STARD9: variants seen among roughly 807,000 people sequenced by gnomAD.
STARD9 encodes StAR related lipid transfer domain containing 9, also known as stAR-related lipid transfer protein 9.
STARD9 carries 346 observed loss-of-function variants against 399.8 expected under a neutral mutation model. The observed-to-expected ratio is 0.87, with a 90% CI of 0.79 to 0.95. STARD9 has a LOEUF of 0.95. Ranked by LOEUF, STARD9 falls within the 40% of genes least tolerant of loss-of-function variation. The pLI is 0.00. For missense variants in STARD9, 5,832 were observed against 5,667.5 expected (o/e 1.03, Z -0.93); for synonymous variants, 2,203 against 2,143.5 (o/e 1.03, Z -0.77).
chr15:42,717,272 G>T (rs1166278551), intron 28 of STARD9, among the ~76,000 whole-genome samples: 1 of 151,980 alleles, frequency 6.6e-6, no homozygotes, highest in Non-Finnish European at 1.5e-5. Flanking sequence ...ATCACTTGAG[G>T]TCAGGAGTTC....
chr15:42,604,576 G>A (rs2058692653), intron 3 of STARD9, among the ~76,000 whole-genome samples: 1 of 150,828 alleles, frequency 6.6e-6, no homozygotes, highest in Non-Finnish European at 1.5e-5. Context: ...GTTTTTGTCA[G>A]GGGAGGAAAT....
chr15:42,650,894 A>G, intron 7 of STARD9, 122 bp from the exon 8 acceptor site: 1 of 608,800 alleles, frequency 1.6e-6, no homozygotes, highest in East Asian at 3.2e-5. Flanking sequence ...GAATTTGGCC[A>G]GATTCCCTCA....
At chr15:42,675,044 A>G in intron 18 of STARD9, 80 bp downstream of exon 18, 1 of 1,378,700 alleles carries the variant, frequency 7.3e-7, no homozygotes, top group Non-Finnish European at 9.4e-7. Flanking sequence ...GAGCTCAGTG[A>G]AGCAGGCTTT....
chr15:42,585,448 G>A, intron 2 of STARD9, 73 bp from the exon 3 acceptor site: 1 of 920,808 alleles, frequency 1.1e-6, no homozygotes, highest in South Asian at 1.4e-5. Flanking sequence ...CTATGGTAGA[G>A]GGTGATCAAG....
intron 1 of STARD9, among the ~76,000 whole-genome samples, chr15:42,576,517 G>A (rs1298967959): frequency 6.6e-6 from 1 of 152,130 alleles, no homozygotes; most frequent in Non-Finnish European, 1.5e-5. Flanking sequence ...TAGTAAGACC[G>A]CCAAGAGCAA....
chr15:42,626,094 G>A (rs1288911593), intron 3 of STARD9, among the ~76,000 whole-genome samples: 1 of 151,392 alleles, frequency 6.6e-6, no homozygotes, highest in Non-Finnish European at 1.5e-5. Context: ...GCTAATTGTT[G>A]TATTTTTTAG....
chr15:42,592,903 G>A (rs2058429711), intron 3 of STARD9, among the ~76,000 whole-genome samples: 1 of 152,124 alleles, frequency 6.6e-6, no homozygotes, highest in Non-Finnish European at 1.5e-5. Flanking sequence ...AATTAAACCT[G>A]GACTTGAATT....
In STARD9 at chr15:42,695,242, C is replaced by T. The variant is rs778311612; in HGVS notation, c.13065C>T (p.Ala4355=). 1.3e-6 allele frequency: 2 copies of T among 1,537,134 alleles called. No individual in the cohort carries two copies. The highest frequency in any genetic ancestry group is 1.4e-5 in the African/African-American group (1 of 73,138). The change falls in exon 25 of 33, where the codon GCC becomes GCT. Residue 4355 remains alanine, a synonymous_variant. Coordinates refer to ENST00000290607, the MANE Select transcript of STARD9 (RefSeq NM_020759.3). ...QAHEEAKVEI[A]RARDQLRERT... is the part of the protein sequence containing the mutation. ...ATGAGGAGGCCAAGGTGGAGATTGC[C>T]CGGGCCCGAGACCAACTGCGGGAGC...
Position 42,689,537 on chromosome 15 carries a change from G to C in STARD9, c.7959G>C (p.Thr2653=), listed in dbSNP as rs768947328. ...SADSFESLPN[T]ETDREPWDPV... ...ACAGCTTTGAATCTCTGCCCAATACGGAAACTGACAGAGAGCCATGGGATC... is the reference window on the plus strand; with the variant it reads ...ACAGCTTTGAATCTCTGCCCAATACCGAAACTGACAGAGAGCCATGGGATC... Residue 2653 remains threonine (T), a synonymous_variant, in exon 23 of 33, where the codon ACG becomes ACC. Coordinates refer to ENST00000290607, the MANE Select transcript of STARD9 (RefSeq NM_020759.3). The C allele has an allele frequency of 6.5e-7, 1 of 1,537,198 alleles. No homozygotes were observed. Among genetic ancestry groups the C allele is most frequent in the Non-Finnish European group, 8.7e-7 (1 of 1,146,926 alleles).
intron 7 of STARD9, among the ~76,000 whole-genome samples, 163 bp downstream of exon 7, chr15:42,638,975 G>T (rs2059479240): frequency 6.6e-6 from 1 of 152,176 alleles, no homozygotes; most frequent in Admixed American, 6.5e-5. Context: ...ACGTGGTCCT[G>T]CCCTCAGGCA....
In STARD9 at chr15:42,691,555, T is replaced by G. The variant is rs141034027; in HGVS notation, c.9977T>G (p.Phe3326Cys). Residue 3326 changes from phenylalanine (F) to cysteine (C), a missense_variant, in exon 23 of 33, where the codon TTC becomes TGC. Phe to Cys is a radical substitution (Grantham distance 205, BLOSUM62 -2). Transcript: ENST00000290607. ...TCCAGGTCCTCCCCCACACCACAGT[T>G]CTCAGTTGTCGGCTCTTCTCGTTCT... The part of the protein sequence containing the change: ...KHSRSSPTPQ[F>C]SVVGSSRSLQ... 2.5e-4 allele frequency: 390 copies of G among 1,537,234 alleles called. 2 individuals are homozygous for G. In the African/African-American group the frequency reaches 4.4e-3, roughly 17 times the overall value.
rs1041393484 is a variant in STARD9, at chr15:42,687,870, G to A, written c.6292G>A (p.Ala2098Thr). 1 of 1,537,258 alleles carries A rather than the reference G, an allele frequency of 6.5e-7. No individual in the cohort carries two copies. Among genetic ancestry groups the A allele is most frequent in the East Asian group, 2.4e-5 (1 of 40,918 alleles). ...GAAGGAGCAGGAGAAGACTGACCAT[G>A]CCTTTAGGCCAGACAGCTCTGGAAA... ...DQKEQEKTDH[A>T]FRPDSSGNPL... The change falls in exon 23 of 33, where the codon GCC (alanine) becomes ACC (threonine). Residue 2098 changes from alanine to threonine, a missense_variant. Coordinates refer to ENST00000290607, the MANE Select transcript of STARD9 (RefSeq NM_020759.3).
intron 3 of STARD9, 108 bp downstream of exon 3, chr15:42,585,745 A>G: frequency 1.6e-6 from 1 of 606,434 alleles, no homozygotes; most frequent in South Asian, 2.8e-5. Context: ...ACAGTTGTAC[A>G]GATTGGAAGT....
chr15:42,674,595 G>A (rs557148621), intron 17 of STARD9, 104 bp downstream of exon 17: 2 of 1,252,378 alleles, frequency 1.6e-6, no homozygotes, highest in South Asian at 2.7e-5. Context: ...GGAATCATTG[G>A]CGTATTCAGG....
Position 42,718,478 on chromosome 15 carries a change from A to G in STARD9, c.13806A>G (p.Pro4602=). The G allele has an allele frequency of 6.5e-7, 1 of 1,537,206 alleles. No individual in the cohort carries two copies. Among genetic ancestry groups the G allele is most frequent in the Non-Finnish European group, 8.7e-7 (1 of 1,146,880 alleles). Reference sequence around the variant, plus strand: ...CCACCCTGTGCGCACTGAAGCAGCCACGGGATTTCTGTTGTGTCTGCGTGG... The same window carrying G: ...CCACCCTGTGCGCACTGAAGCAGCCGCGGGATTTCTGTTGTGTCTGCGTGG... ...CNTTLCALKQ[P]RDFCCVCVEA... Residue 4602 remains proline (P), a synonymous_variant, in exon 31 of 33, where the codon CCA becomes CCG. Transcript: ENST00000290607.
chr15:42,699,639 C>T (rs143081363), intron 26 of STARD9, among the ~76,000 whole-genome samples: 4,520 of 151,738 alleles, frequency 0.03, 198 homozygotes, highest in African/African-American at 0.093. Flanking sequence ...GTGATCTGCC[C>T]GCCTTGGCCT....
intron 4 of STARD9, among the ~76,000 whole-genome samples, chr15:42,635,856 T>A (rs1423862329): frequency 1.3e-5 from 2 of 152,186 alleles, no homozygotes; most frequent in Non-Finnish European, 2.9e-5. Flanking sequence ...GTGTTAGATC[T>A]GTGTGTTGGA....
Position 42,690,974 on chromosome 15 carries a change from A to T in STARD9, c.9396A>T (p.Pro3132=). The change falls in exon 23 of 33, where the codon CCA becomes CCT. Residue 3132 remains proline (P), a synonymous_variant. Transcript: ENST00000290607. ...DQNAQVCQTN[P]EPPATTQGPH... ...ATGCACAGGTGTGTCAAACCAATCC[A>T]GAACCACCTGCAACAACTCAGGGAC... The T allele has an allele frequency of 1.3e-6, 2 of 1,537,256 alleles. No individual in the cohort carries two copies. The highest frequency in any genetic ancestry group is 1.7e-6 in the Non-Finnish European group (2 of 1,146,908).
chr15:42,621,036 G>A (rs1377845731), intron 3 of STARD9, among the ~76,000 whole-genome samples: 3 of 152,144 alleles, frequency 2.0e-5, no homozygotes, highest in Non-Finnish European at 2.9e-5. Context: ...TTATAGGGGT[G>A]AGCCACCACC....
Sources: allele counts gnomAD v4.1 joint callset (sites outside exome capture counted in the v4.1 genomes callset), GRCh38; gene constraint gnomAD v4.1.1; transcripts MANE v1.5; gene names NCBI Gene and HGNC (gene_info 2026-07-23, HGNC 2026-07-21).